The following GRM3 variants were observed in gnomAD, a reference collection of about 807,000 sequenced individuals.
GRM3 encodes the protein glutamate metabotropic receptor 3.
Under a neutral mutation model 70.5 loss-of-function variants are expected in GRM3, and 26 were observed. The observed-to-expected ratio is 0.37, with a 90% CI of 0.27 to 0.51. The LOEUF (loss-of-function observed/expected upper bound fraction) is 0.51, where lower values mean the gene tolerates loss of function less well. Among genes scored for constraint, GRM3 ranks in the 20% least tolerant of loss-of-function variants. GRM3 has a pLI of 0.93. For synonymous variants in GRM3, 443 were observed against 434.9 expected (o/e 1.02, Z -0.23); for missense variants, 859 against 1,123.8 (o/e 0.76, Z 3.37).
In GRM3 at chr7:86,786,395, G is replaced by A. The variant is rs992580734; in HGVS notation, c.603G>A (p.Met201Ile). ...CCGACTTCTACCAGGCCAAAGCCAT[G>A]GCTGAGATCTTGCGCTTCTTCAACT... ...VPPDFYQAKA[M>I]AEILRFFNWT... Residue 201 changes from methionine to isoleucine, a missense_variant, in exon 3 of 6, where the codon ATG (methionine) becomes ATA (isoleucine). By Grantham distance (10) the Met-to-Ile change is conservative. Transcript: ENST00000361669. The surrounding 1 kb of genome is among the most constrained non-coding windows in gnomAD (Gnocchi z 6.0). 2.5e-6 allele frequency: 4 copies of A among 1,614,170 alleles called. No individual in the cohort carries two copies. Among genetic ancestry groups the A allele is most frequent in the Non-Finnish European group, 3.4e-6 (4 of 1,180,038 alleles).
At chr7:86,666,056 T>A (rs1393867558) in intron 1 of GRM3, among the ~76,000 whole-genome samples, 2 of 152,074 alleles carry the variant, frequency 1.3e-5, no homozygotes, top group East Asian at 3.8e-4. Context: ...AAGTTAGAAA[T>A]AAGATGTTAA....
intron 1 of GRM3, among the ~76,000 whole-genome samples, chr7:86,654,028 C>G (rs1793671557): frequency 6.6e-6 from 1 of 152,164 alleles, no homozygotes; most frequent in Non-Finnish European, 1.5e-5. Context: ...CCTCATTTGG[C>G]AACTTACACA....
chr7:86,812,532 A>T (rs1797933209), intron 3 of GRM3, among the ~76,000 whole-genome samples: 1 of 151,834 alleles, frequency 6.6e-6, no homozygotes, highest in Admixed American at 6.6e-5. Flanking sequence ...ACTCTCAGTA[A>T]AAATATTACT....
intron 1 of GRM3, among the ~76,000 whole-genome samples, chr7:86,672,651 A>G (rs1420386536): frequency 1.3e-5 from 2 of 151,856 alleles, no homozygotes; most frequent in Non-Finnish European, 2.9e-5. Flanking sequence ...GGGGGAACAC[A>G]TCCGGTGTGT....
At chr7:86,681,669 A>G (rs1035486072) in intron 1 of GRM3, among the ~76,000 whole-genome samples, 1 of 152,136 alleles carries the variant, frequency 6.6e-6, no homozygotes, top group African/African-American at 2.4e-5. Context: ...CGTCTCTGGT[A>G]TATATTTGAA....
intron 1 of GRM3, among the ~76,000 whole-genome samples, chr7:86,735,282 A>T (rs570725663): frequency 1.3e-5 from 2 of 152,316 alleles, no homozygotes; most frequent in South Asian, 4.1e-4. Flanking sequence ...CAGTACAAAT[A>T]AATGCTCTAT....
At chr7:86,685,348 C>A (rs1794537277) in intron 1 of GRM3, among the ~76,000 whole-genome samples, 1 of 152,030 alleles carries the variant, frequency 6.6e-6, no homozygotes, top group Admixed American at 6.6e-5. Context: ...AGATTGGTTT[C>A]TAACCAGAAA....
chr7:86,669,498 A>G (rs893072273), intron 1 of GRM3, among the ~76,000 whole-genome samples: 3 of 152,200 alleles, frequency 2.0e-5, no homozygotes, highest in Non-Finnish European at 4.4e-5. Flanking sequence ...CTCTTCACAC[A>G]GTACTGTTTT....
intron 1 of GRM3, among the ~76,000 whole-genome samples, chr7:86,721,738 A>G (rs1562838137): frequency 6.6e-6 from 1 of 152,066 alleles, no homozygotes; most frequent in Non-Finnish European, 1.5e-5. Flanking sequence ...TGTATTTGTT[A>G]CCTTGTCAAG....
At position 86,788,223 on chromosome 7, in the gene GRM3, G is replaced by A. The variant is rs556524206; in HGVS notation, c.1324+1107G>A. 7.9e-5 allele frequency among the ~76,000 whole-genome samples: 12 copies of A among 152,238 alleles called. No individual in the cohort carries two copies. In the South Asian group the frequency reaches 2.3e-3, roughly 29 times the overall value. On this transcript the variant is annotated intron_variant, in intron 3 of 5. Transcript: ENST00000361669. ...GATCATACTACCATTGGCGCAAATG[G>A]CAGTTCTCACATCTCCCTTATAAGT... is the stretch of plus-strand genomic sequence containing the variant.
At chr7:86,817,633 T>C (rs1258038792) in intron 3 of GRM3, among the ~76,000 whole-genome samples, 4 of 151,988 alleles carry the variant, frequency 2.6e-5, no homozygotes, top group African/African-American at 9.7e-5. Flanking sequence ...AGAAAATATT[T>C]CTCAGATTTT....
intron 3 of GRM3, among the ~76,000 whole-genome samples, chr7:86,804,808 T>G (rs1447276506): frequency 6.6e-6 from 1 of 152,226 alleles, no homozygotes; most frequent in Non-Finnish European, 1.5e-5. Flanking sequence ...AGGATATCCT[T>G]CTGCATTTAA....
chr7:86,798,851 G>T (rs1376178019), intron 3 of GRM3, among the ~76,000 whole-genome samples: 8 of 148,626 alleles, frequency 5.4e-5, no homozygotes, highest in African/African-American at 2.0e-4. Flanking sequence ...ATGGGCTGAT[G>T]GTTTTATAAA....
At position 86,853,566 on chromosome 7, in the gene GRM3, C is replaced by T. The variant is rs146486053; in HGVS notation, c.2566+3022C>T. On this transcript the variant is annotated intron_variant, in intron 5 of 5. Transcript: ENST00000361669. Reference sequence around the variant, plus strand: ...TTTTTCTTGGGTTGTACATAATTCACGTTCTTCCAGTGAGTATAATGTTAG... The same window carrying T: ...TTTTTCTTGGGTTGTACATAATTCATGTTCTTCCAGTGAGTATAATGTTAG... 1.5e-4 allele frequency among the ~76,000 whole-genome samples: 23 copies of T among 152,258 alleles called. No homozygotes were observed. In the East Asian group the frequency reaches 2.9e-3, roughly 19 times the overall value.
At chr7:86,669,016 T>C (rs1221953643) in intron 1 of GRM3, among the ~76,000 whole-genome samples, 1 of 152,106 alleles carries the variant, frequency 6.6e-6, no homozygotes, top group African/African-American at 2.4e-5. Context: ...TGTCTTACTA[T>C]CCCAAGATAG....
chr7:86,825,149 C>A (rs1474847324), intron 3 of GRM3, among the ~76,000 whole-genome samples: 1 of 152,136 alleles, frequency 6.6e-6, no homozygotes, highest in South Asian at 2.1e-4. Context: ...TCTCTTGTTC[C>A]CCTCTTTGTG....
chr7:86,848,848 T>A (rs984283214), intron 4 of GRM3, among the ~76,000 whole-genome samples: 1 of 152,096 alleles, frequency 6.6e-6, no homozygotes, highest in Non-Finnish European at 1.5e-5. Flanking sequence ...CAGGTCCCAA[T>A]TCAGGGCATC....
At chr7:86,829,677 T>C (rs532085526) in intron 3 of GRM3, among the ~76,000 whole-genome samples, 3 of 152,302 alleles carry the variant, frequency 2.0e-5, no homozygotes, top group African/African-American at 7.2e-5. Flanking sequence ...CAACATTTAT[T>C]AAGATCACCA....
chr7:86,659,171 G>A (rs1308067545), intron 1 of GRM3, among the ~76,000 whole-genome samples: 1 of 152,076 alleles, frequency 6.6e-6, no homozygotes, highest in East Asian at 1.9e-4. Context: ...ATTCCTACTA[G>A]TGCCAATAAA....
Sources: allele counts gnomAD v4.1 joint callset (sites outside exome capture counted in the v4.1 genomes callset), GRCh38; gene constraint gnomAD v4.1.1; non-coding constraint Gnocchi (gnomAD v3.1); transcripts MANE v1.5; gene names NCBI Gene and HGNC (gene_info 2026-07-23, HGNC 2026-07-21).